The following ASB3 variants were observed in gnomAD, a reference collection of about 807,000 sequenced individuals.
ASB3 encodes the protein ankyrin repeat and SOCS box protein 3.
ASB3 carries 41 observed loss-of-function variants against 54.5 expected under a neutral mutation model. The observed-to-expected ratio is 0.75, with a 90% confidence interval of 0.59 to 0.98. The LOEUF (loss-of-function observed/expected upper bound fraction) is 0.98, where lower values mean the gene tolerates loss of function less well. Among genes scored for constraint, ASB3 ranks in the 50% least tolerant of loss-of-function variants. The probability of loss-of-function intolerance (pLI) is 0.00; values close to 1 mark genes in which losing one functional copy is unlikely to be tolerated. For synonymous variants in ASB3, 266 were observed against 221.2 expected, an observed-to-expected ratio of 1.20 and a Z score of -1.80; for missense variants, 733 against 620.0, an observed-to-expected ratio of 1.18 and a Z score of -1.94.
At chr2:53,715,312 G>T (rs114753142) in intron 6 of ASB3, among the ~76,000 whole-genome samples, 2,942 of 152,214 alleles carry the variant, frequency 0.019, 92 homozygotes, top group African/African-American at 0.067. Context: ...TATAGTTAAA[G>T]CCAGGAAATT....
chr2:53,677,873 A>C (rs2103647148), intron 9 of ASB3, among the ~76,000 whole-genome samples: 1 of 152,308 alleles, frequency 6.6e-6, no homozygotes, highest in East Asian at 1.9e-4. Flanking sequence ...ACTACATGTT[A>C]AGGACAAGGC....
In ASB3 at chr2:53,716,624, A is replaced by G. The variant is rs1670409104; in HGVS notation, c.724T>C (p.Cys242Arg). ...GGTAACTGCCAACTGTCCTCATTACAGTAAAGATCAGGATCTGCCCCACTG... is the reference window on the plus strand; with the variant it reads ...GGTAACTGCCAACTGTCCTCATTACGGTAAAGATCAGGATCTGCCCCACTG... ...LSSGADPDLYCNEDSWQLPIH... is the reference protein window; with the variant it reads ...LSSGADPDLYRNEDSWQLPIH... Residue 242 changes from cysteine (C) to arginine (R), a missense_variant, in exon 6 of 10, where the codon TGT becomes CGT. By Grantham distance (180) the Cys-to-Arg change is radical (BLOSUM62 -3). Transcript: ENST00000263634. 4 of 1,614,202 alleles carry G rather than the reference A, an allele frequency of 2.5e-6. No individual in the cohort carries two copies. Among genetic ancestry groups the G allele is most frequent in the Non-Finnish European group, 3.4e-6 (4 of 1,180,016 alleles).
intron 2 of ASB3, among the ~76,000 whole-genome samples, chr2:53,759,656 G>C (rs1356753546): frequency 2.0e-5 from 3 of 152,212 alleles, no homozygotes; most frequent in Middle Eastern, 3.4e-3. Context: ...GGAAAGGCTG[G>C]GCAAATCGAA....
At chr2:53,766,491 G>A (rs545216115) in intron 1 of ASB3, among the ~76,000 whole-genome samples, 38 of 152,028 alleles carry the variant, frequency 2.5e-4, no homozygotes, top group African/African-American at 8.7e-4. Flanking sequence ...TTTTTTTTTA[G>A]GGAACTTGTT....
At chr2:53,712,493 A>G (rs1353472567) in intron 7 of ASB3, among the ~76,000 whole-genome samples, 1 of 152,210 alleles carries the variant, frequency 6.6e-6, no homozygotes, top group Non-Finnish European at 1.5e-5. Flanking sequence ...CCAGAAACCT[A>G]TTTAAGATCT....
intron 3 of ASB3, among the ~76,000 whole-genome samples, chr2:53,733,410 T>C (rs917977621): frequency 6.6e-6 from 1 of 151,890 alleles, no homozygotes; most frequent in Non-Finnish European, 1.5e-5. Flanking sequence ...ATTTCATCTG[T>C]GTCCTTTCCC....
intron 8 of ASB3, among the ~76,000 whole-genome samples, chr2:53,697,868 C>T (rs886394931): frequency 6.6e-6 from 1 of 152,180 alleles, no homozygotes; most frequent in African/African-American, 2.4e-5. Flanking sequence ...CTCAGTCCCA[C>T]CCCTATGGCG....
At chr2:53,735,427 A>T (rs1671567628) in intron 3 of ASB3, among the ~76,000 whole-genome samples, 1 of 152,068 alleles carries the variant, frequency 6.6e-6, no homozygotes, top group African/African-American at 2.4e-5. Flanking sequence ...AAATTTAATA[A>T]AACATGCAAA....
intron 8 of ASB3, among the ~76,000 whole-genome samples, chr2:53,696,272 A>G (rs1669176086): frequency 6.6e-6 from 1 of 152,214 alleles, no homozygotes; most frequent in Admixed American, 6.5e-5. Context: ...ACTTACTTCA[A>G]AATAGTTTCT....
At chr2:53,755,248 C>T (rs990200529) in intron 2 of ASB3, among the ~76,000 whole-genome samples, 29 of 152,260 alleles carry the variant, frequency 1.9e-4, no homozygotes, top group South Asian at 2.1e-4. Context: ...CCACTGACGC[C>T]TGTGTAGCAA....
rs1558575402 is a variant in ASB3 at position 53,773,322 on chromosome 2, C to CAAAGA, written c.-13-7738_-13-7737insTCTTT. ...TTTAAGATAAAATATCTTGCTGTGC[C>CAAAGA]TATGATACAAAGAAATTATTCACAA... On this transcript the variant is annotated intron_variant, in intron 1 of 9. Transcript: ENST00000263634. 6.8e-3 allele frequency among the ~76,000 whole-genome samples: 1,031 copies of CAAAGA among 152,136 alleles called. 12 individuals are homozygous for CAAAGA. Among genetic ancestry groups the CAAAGA allele is most frequent in the African/African-American group, 0.023 (959 of 41,506 alleles).
chr2:53,747,405 G>T (rs1672284569), intron 3 of ASB3, among the ~76,000 whole-genome samples: 1 of 152,090 alleles, frequency 6.6e-6, no homozygotes, highest in Non-Finnish European at 1.5e-5. Context: ...AATTAGCCAG[G>T]CGTGGTGGCG....
intron 1 of ASB3, among the ~76,000 whole-genome samples, chr2:53,777,504 C>T (rs1200226203): frequency 6.6e-6 from 1 of 152,192 alleles, no homozygotes; most frequent in Non-Finnish European, 1.5e-5. Context: ...ACTTGGATAG[C>T]TTCCAATCTC....
chr2:53,683,270 T>C (rs1278680833), intron 9 of ASB3, among the ~76,000 whole-genome samples: 1 of 152,248 alleles, frequency 6.6e-6, no homozygotes, highest in African/African-American at 2.4e-5. Flanking sequence ...ACCACACTGA[T>C]TGATCTGCAT....
At chr2:53,697,098 C>G (rs111589542) in intron 8 of ASB3, among the ~76,000 whole-genome samples, 20 of 152,148 alleles carry the variant, frequency 1.3e-4, no homozygotes, top group Admixed American at 5.2e-4. Context: ...CCCATCAAAA[C>G]GAAGATGGTG....
At chr2:53,771,850 A>C in intron 1 of ASB3, 1 of 922,330 alleles carries the variant, frequency 1.1e-6, no homozygotes, top group Non-Finnish European at 1.7e-6. Flanking sequence ...GCTAATGCTC[A>C]GCTACTTAAT....
At chr2:53,778,341 A>G (rs1674462076) in intron 1 of ASB3, among the ~76,000 whole-genome samples, 1 of 151,950 alleles carries the variant, frequency 6.6e-6, no homozygotes, top group Admixed American at 6.6e-5. Flanking sequence ...TGAGGTACAA[A>G]GTGATGATTT....
rs1463528764 is a variant in ASB3 at position 53,730,629 on chromosome 2, C to A, written c.356-1059G>T. On this transcript the variant is annotated intron_variant, in intron 3 of 9. Transcript: ENST00000263634. Reference sequence around the variant, plus strand: ...CTCTGAGGAATCACCATACCGCTTTCCACAATGGTTGAATTAATGTACACT... The same window carrying A: ...CTCTGAGGAATCACCATACCGCTTTACACAATGGTTGAATTAATGTACACT... 2.0e-5 allele frequency among the ~76,000 whole-genome samples: 3 copies of A among 152,112 alleles called. No individual in the cohort carries two copies. In the East Asian group the frequency reaches 5.8e-4, roughly 29 times the overall value.
intron 1 of ASB3, among the ~76,000 whole-genome samples, chr2:53,776,489 G>C (rs1674343980): frequency 6.6e-6 from 1 of 151,962 alleles, no homozygotes; most frequent in Non-Finnish European, 1.5e-5. Context: ...TTCAGCTTTT[G>C]GCAATCTATT....
Sources: gnomAD v4.1 joint callset for allele counts (sites outside exome capture counted in the v4.1 genomes callset) on GRCh38, gnomAD v4.1.1 for gene constraint, MANE v1.5 for transcripts, NCBI Gene and HGNC (gene_info 2026-07-23, HGNC 2026-07-21) for gene names.